SHISA9: variants seen among roughly 807,000 people sequenced by gnomAD.
SHISA9 encodes protein shisa-9.
SHISA9 carries 13 observed loss-of-function variants against 38.0 expected under a neutral mutation model. The observed-to-expected ratio is 0.34, with a 90% CI of 0.22 to 0.54. SHISA9 has a LOEUF of 0.54. Ranked by LOEUF, SHISA9 falls within the 20% of genes least tolerant of loss-of-function variation. The pLI, the probability that SHISA9 is intolerant of heterozygous loss-of-function variation, is 0.91. For synonymous variants in SHISA9, 275 were observed against 242.0 expected (o/e 1.14, Z -1.27); for missense variants, 538 against 575.8 (o/e 0.93, Z 0.67).
chr16:13,105,316 G>A (rs2073915651), intron 2 of SHISA9, among the ~76,000 whole-genome samples: 1 of 152,172 alleles, frequency 6.6e-6, no homozygotes, highest in African/African-American at 2.4e-5. Flanking sequence ...TAAGCTTGGA[G>A]GAGATGCGGT....
intron 2 of SHISA9, among the ~76,000 whole-genome samples, chr16:13,098,008 G>A (rs2073844067): frequency 6.6e-6 from 1 of 152,176 alleles, no homozygotes; most frequent in African/African-American, 2.4e-5. Flanking sequence ...TGTGTCGGGT[G>A]CTTTATGTAT....
chr16:13,130,416 GTT>G, intron 2 of SHISA9, among the ~76,000 whole-genome samples: 1 of 132,996 alleles, frequency 7.5e-6, no homozygotes, highest in East Asian at 2.2e-4. Flanking sequence ...ATGTTTTTTT[GTT>G]TGTTTGTTTG....
chr16:13,489,643 C>T, the SHISA9 span, among the ~76,000 whole-genome samples: 1 of 152,166 alleles, frequency 6.6e-6, no homozygotes, highest in South Asian at 2.1e-4. Context: ...TCATTCCTTG[C>T]CTTCCACCAT....
chr16:13,305,582 T>A, the SHISA9 span, among the ~76,000 whole-genome samples: 1 of 152,160 alleles, frequency 6.6e-6, no homozygotes, highest in East Asian at 1.9e-4. Context: ...GGTGGGGAAG[T>A]CCATGTGGTA....
the SHISA9 span, among the ~76,000 whole-genome samples, chr16:13,481,480 A>G: frequency 6.6e-6 from 1 of 152,168 alleles, no homozygotes; most frequent in Non-Finnish European, 1.5e-5. Flanking sequence ...GGCTGTCCTC[A>G]ACCATGCTGT....
chr16:13,106,628 G>C (rs2073927626), intron 2 of SHISA9, among the ~76,000 whole-genome samples: 1 of 152,162 alleles, frequency 6.6e-6, no homozygotes, highest in African/African-American at 2.4e-5. Flanking sequence ...AAGACCTTCA[G>C]CAGCCTGGCC....
intron 2 of SHISA9, among the ~76,000 whole-genome samples, chr16:13,078,414 A>ATTT (rs397789589): frequency 1.1e-4 from 16 of 150,792 alleles, no homozygotes; most frequent in African/African-American, 3.7e-4. Flanking sequence ...TTTCTCAACT[A>ATTT]TTTTTTTTTA....
chr16:13,345,396 G>A, the SHISA9 span, among the ~76,000 whole-genome samples: 3 of 152,056 alleles, frequency 2.0e-5, no homozygotes, highest in African/African-American at 7.2e-5. Context: ...TAAGGATACC[G>A]GCTTCCAGCT....
chr16:13,216,912 C>T (rs1236015660), intron 4 of SHISA9, among the ~76,000 whole-genome samples: 1 of 152,072 alleles, frequency 6.6e-6, no homozygotes, highest in African/African-American at 2.4e-5. Flanking sequence ...ATTGATCCAC[C>T]CACGCCCAGC....
intron 2 of SHISA9, among the ~76,000 whole-genome samples, chr16:12,920,541 A>T (rs2071314738): frequency 6.6e-6 from 1 of 152,150 alleles, no homozygotes. Flanking sequence ...GCTTGAGGGG[A>T]TGGATGCCCC....
chr16:13,181,543 AC>A (rs1200578869), intron 2 of SHISA9, among the ~76,000 whole-genome samples: 1 of 151,616 alleles, frequency 6.6e-6, no homozygotes, highest in Non-Finnish European at 1.5e-5. Flanking sequence ...ATCATGCAGG[AC>A]CTTGTCATAC....
the SHISA9 span, among the ~76,000 whole-genome samples, chr16:13,329,298 C>G: frequency 6.6e-6 from 1 of 152,118 alleles, no homozygotes; most frequent in African/African-American, 2.4e-5. Context: ...CTTTCTCTTT[C>G]TTCTATTAAA....
At chr16:13,285,203 G>C in the SHISA9 span, among the ~76,000 whole-genome samples, 2,847 of 152,158 alleles carry the variant, frequency 0.019, 38 homozygotes, top group Middle Eastern at 0.037. Flanking sequence ...TCTTATTGAT[G>C]TGATGGCTCA....
the SHISA9 span, among the ~76,000 whole-genome samples, chr16:13,443,091 C>T: frequency 2.0e-5 from 3 of 152,180 alleles, no homozygotes; most frequent in African/African-American, 4.8e-5. Context: ...CTTTCCATTA[C>T]ACTTCTTTTA....
chr16:13,080,820 A>T (rs1207448830), intron 2 of SHISA9, among the ~76,000 whole-genome samples: 1 of 152,244 alleles, frequency 6.6e-6, no homozygotes, highest in African/African-American at 2.4e-5. Context: ...CTTAAACAAC[A>T]AATATTTATT....
chr16:13,013,004 G>T (rs2072697344), intron 2 of SHISA9, among the ~76,000 whole-genome samples: 2 of 152,146 alleles, frequency 1.3e-5, no homozygotes, highest in African/African-American at 4.8e-5. Flanking sequence ...ACAGGGAGAA[G>T]GGGACCTGCC....
At chr16:13,077,825 A>G (rs1425809648) in intron 2 of SHISA9, among the ~76,000 whole-genome samples, 5 of 152,256 alleles carry the variant, frequency 3.3e-5, no homozygotes, top group African/African-American at 1.2e-4. Context: ...AGCCTTAGTC[A>G]ATTTGGATTA....
intron 2 of SHISA9, among the ~76,000 whole-genome samples, chr16:12,975,747 G>C (rs1018036496): frequency 6.6e-6 from 1 of 151,758 alleles, no homozygotes; most frequent in Non-Finnish European, 1.5e-5. Context: ...GGCTGGGAGG[G>C]GGGACTGGAA....
intron 2 of SHISA9, among the ~76,000 whole-genome samples, chr16:12,998,351 A>C (rs2072484196): frequency 1.3e-5 from 2 of 152,202 alleles, no homozygotes; most frequent in Non-Finnish European, 2.9e-5. Context: ...ACTTTGAGGC[A>C]GGTGTTCTTG....
Sources: allele counts gnomAD v4.1 joint callset (sites outside exome capture counted in the v4.1 genomes callset), GRCh38; gene constraint gnomAD v4.1.1; transcripts MANE v1.5; gene names NCBI Gene and HGNC (gene_info 2026-07-23, HGNC 2026-07-21).